Variants in PPFIBP1 observed in about 807,000 individuals in gnomAD.
The protein encoded by PPFIBP1 is liprin-beta-1.
PPFIBP1 carries 112 observed loss-of-function variants against 137.8 expected under a neutral mutation model. The ratio of observed to expected loss-of-function variants is 0.81; its 90% CI spans 0.70 to 0.95. The LOEUF (loss-of-function observed/expected upper bound fraction) is 0.95. Ranked by LOEUF, PPFIBP1 falls within the 40% of genes least tolerant of loss-of-function variation. PPFIBP1 has a pLI of 0.00. For missense variants in PPFIBP1, 1,083 were observed against 1,196.6 expected, an observed-to-expected ratio of 0.91 and a Z score of 1.40; for synonymous variants, 378 against 417.3, an observed-to-expected ratio of 0.91 and a Z score of 1.15.
intron 9 of PPFIBP1, among the ~76,000 whole-genome samples, chr12:27,658,311 T>C (rs183034692): frequency 6.6e-6 from 1 of 152,248 alleles, no homozygotes; most frequent in Admixed American, 6.5e-5. Flanking sequence ...AGAAAGCTCA[T>C]GTCAGGGTGA....
intron 8 of PPFIBP1, among the ~76,000 whole-genome samples, chr12:27,656,169 C>A (rs200517215): frequency 0.092 from 14,067 of 152,214 alleles, 915 homozygotes; most frequent in African/African-American, 0.18. Flanking sequence ...AAACTCTGTG[C>A]TTGTCAAGGA....
chr12:27,676,412 C>T lies in PPFIBP1; in HGVS notation c.1411-16C>T, dbSNP rs759704589. ...TGCACCTGAGAGCTGTTTCACTATT[C>T]TTATTTGCCTCTCAGGACAGAGCTC... On this transcript the variant is annotated splice_polypyrimidine_tract_variant and intron_variant, in intron 17 of 29. Coordinates refer to ENST00000228425, the MANE Select transcript of PPFIBP1 (RefSeq NM_003622.4). 4 of 1,467,306 alleles carry T rather than the reference C, an allele frequency of 2.7e-6. No individual in the cohort carries two copies. Among genetic ancestry groups the T allele is most frequent in the South Asian group, 3.0e-5 (2 of 65,864 alleles). 90.9% of individuals were successfully genotyped at this position (1,467,306 alleles called of 1,614,324 possible). A position where few individuals can be genotyped will look rare whatever the true frequency, so the allele number is the denominator to read the frequency against.
chr12:27,639,492 A>G (rs1412070728), intron 4 of PPFIBP1, among the ~76,000 whole-genome samples: 2 of 152,236 alleles, frequency 1.3e-5, no homozygotes, highest in Non-Finnish European at 2.9e-5. Flanking sequence ...ATGTCAACAG[A>G]GGATCAGGTG....
chr12:27,613,383 G>C (rs1412144666), intron 2 of PPFIBP1, among the ~76,000 whole-genome samples: 2 of 152,170 alleles, frequency 1.3e-5, no homozygotes, highest in Non-Finnish European at 1.5e-5. Context: ...TATGCTATCA[G>C]AGCTTAGATG....
intron 1 of PPFIBP1, among the ~76,000 whole-genome samples, chr12:27,559,445 G>A (rs994078645): frequency 2.6e-5 from 4 of 152,184 alleles, no homozygotes; most frequent in African/African-American, 9.7e-5. Flanking sequence ...GGGATTACAG[G>A]CGTGAGCCAC....
chr12:27,642,234 C>G (rs1326388358), intron 4 of PPFIBP1, among the ~76,000 whole-genome samples: 1 of 152,186 alleles, frequency 6.6e-6, no homozygotes, highest in Non-Finnish European at 1.5e-5. Context: ...TATATCTCCC[C>G]CACTGACTCT....
In PPFIBP1 at chr12:27,627,928, C is replaced by A. The variant is rs186589674; in HGVS notation, c.-35-5434C>A. The stretch of plus-strand genomic sequence containing the variant: ...TTTATTAAGCCATTGGAATAGGAAA[C>A]CAGTAGCCCAAGAACTCCTGCAAAC... On this transcript the variant is annotated intron_variant, in intron 2 of 29. Transcript: ENST00000228425. 5.3e-5 allele frequency among the ~76,000 whole-genome samples: 8 copies of A among 151,470 alleles called. No homozygotes were observed. The East Asian group carries it at 1.6e-3, about 30-fold the overall frequency.
chr12:27,692,497 T>C, intron 28 of PPFIBP1, 94 bp from the exon 29 acceptor site: 1 of 1,140,486 alleles, frequency 8.8e-7, no homozygotes, highest in Non-Finnish European at 1.3e-6. Flanking sequence ...TCAGTGCTAT[T>C]TGCATTATTT....
chr12:27,539,928 CTT>C (rs1274646701), intron 1 of PPFIBP1, among the ~76,000 whole-genome samples: 19 of 152,082 alleles, frequency 1.2e-4, no homozygotes, highest in Admixed American at 6.6e-5. Flanking sequence ...ATTTTTAAAA[CTT>C]CACATTGTTT....
At chr12:27,652,684 G>C (rs1408111317) in intron 7 of PPFIBP1, among the ~76,000 whole-genome samples, 1 of 151,982 alleles carries the variant, frequency 6.6e-6, no homozygotes, top group East Asian at 1.9e-4. Flanking sequence ...ATTTTTTTCA[G>C]TGGTTTCTTC....
At chr12:27,618,298 C>T (rs2055981628) in intron 2 of PPFIBP1, among the ~76,000 whole-genome samples, 1 of 152,194 alleles carries the variant, frequency 6.6e-6, no homozygotes, top group South Asian at 2.1e-4. Context: ...CAAAGTTAAC[C>T]CGAAAAACTA....
chr12:27,671,837 C>G (rs1245606986), intron 14 of PPFIBP1, among the ~76,000 whole-genome samples: 1 of 152,074 alleles, frequency 6.6e-6, no homozygotes. Context: ...TTTGGAAGGC[C>G]AAGGTGGGCA....
chr12:27,619,029 A>G (rs981376626), intron 2 of PPFIBP1, among the ~76,000 whole-genome samples: 1 of 152,146 alleles, frequency 6.6e-6, no homozygotes, highest in African/African-American at 2.4e-5. Flanking sequence ...CTGAGAGAGA[A>G]TGGGTGTGGG....
At chr12:27,650,563 C>T (rs1368755744) in intron 7 of PPFIBP1, among the ~76,000 whole-genome samples, 3 of 152,158 alleles carry the variant, frequency 2.0e-5, no homozygotes, top group Non-Finnish European at 4.4e-5. Context: ...AGAAAACATG[C>T]TAACATTCTA....
At chr12:27,647,310 C>G (rs539963584) in intron 5 of PPFIBP1, among the ~76,000 whole-genome samples, 10 of 152,142 alleles carry the variant, frequency 6.6e-5, no homozygotes, top group Middle Eastern at 6.3e-3. Context: ...ACCTCTCCCC[C>G]CTACCCCTGG....
chr12:27,673,024 T>C (rs1316242001), intron 15 of PPFIBP1, among the ~76,000 whole-genome samples: 1 of 152,206 alleles, frequency 6.6e-6, no homozygotes, highest in East Asian at 1.9e-4. Flanking sequence ...CTTCTGGCAA[T>C]ACACCTAAAT....
intron 1 of PPFIBP1, among the ~76,000 whole-genome samples, chr12:27,568,118 G>A (rs1316711724): frequency 6.6e-6 from 1 of 152,144 alleles, no homozygotes; most frequent in Non-Finnish European, 1.5e-5. Flanking sequence ...GAGACTACAT[G>A]GCATGGACCC....
At chr12:27,670,880 G>C (rs1045840145) in intron 13 of PPFIBP1, among the ~76,000 whole-genome samples, 1 of 151,718 alleles carries the variant, frequency 6.6e-6, no homozygotes, top group African/African-American at 2.4e-5. Context: ...TGCAGGGGTA[G>C]GCATTGTCAT....
intron 1 of PPFIBP1, among the ~76,000 whole-genome samples, chr12:27,564,889 GA>G (rs1410031767): frequency 6.6e-6 from 1 of 152,124 alleles, no homozygotes; most frequent in East Asian, 1.9e-4. Flanking sequence ...GTGGTCCCCA[GA>G]ACCCTTTGTC....
Sources: gnomAD v4.1 joint callset for allele counts (sites outside exome capture counted in the v4.1 genomes callset) on GRCh38, gnomAD v4.1.1 for gene constraint, MANE v1.5 for transcripts, NCBI Gene and HGNC (gene_info 2026-07-23, HGNC 2026-07-21) for gene names.